Variants in ATP6V0E1 observed in about 807,000 individuals in gnomAD.
ATP6V0E1 encodes the protein V-type proton ATPase subunit e 1.
A neutral mutation model predicts 11.6 loss-of-function variants in ATP6V0E1; 4 were observed. The ratio of observed to expected loss-of-function variants is 0.35; its 90% CI spans 0.17 to 0.79. The LOEUF is 0.79. Among genes scored for constraint, ATP6V0E1 ranks in the 30% least tolerant of loss-of-function variants. ATP6V0E1 has a pLI of 0.54. For synonymous variants in ATP6V0E1, 36 were observed against 34.8 expected (o/e 1.04, Z -0.13); for missense variants, 105 against 100.0 (o/e 1.05, Z -0.21).
At chr5:173,009,364 A>G (rs1322841579) in intron 2 of ATP6V0E1, among the ~76,000 whole-genome samples, 1 of 151,730 alleles carries the variant, frequency 6.6e-6, no homozygotes, top group Admixed American at 6.6e-5. Context: ...GGAGTTCAAG[A>G]CCACCCTGGG....
chr5:172,985,300 T>A (rs1009270063), intron 1 of ATP6V0E1, among the ~76,000 whole-genome samples: 1 of 152,104 alleles, frequency 6.6e-6, no homozygotes, highest in Non-Finnish European at 1.5e-5. Context: ...TAATATTTTG[T>A]GACCTGAACC....
Position 173,014,660 on chromosome 5 carries a change from G to A in ATP6V0E1, c.153-5578G>A, listed in dbSNP as rs185055680. On this transcript the variant is annotated intron_variant, in intron 2 of 3. Transcript: ENST00000519374. The stretch of plus-strand genomic sequence containing the variant: ...CACATGTTCTCACTTATATGTGGGA[G>A]CTAAAAAATTTGATGTCAAAGACAT... Among the ~76,000 whole-genome samples the A allele has an allele frequency of 2.0e-4, 30 of 152,324 alleles. No homozygotes were observed. In the East Asian group the frequency reaches 5.6e-3, roughly 28 times the overall value.
rs184420629 is a variant in ATP6V0E1, at chr5:173,016,017, C to G, written c.153-4221C>G. ...GAGATTACAGGCGTGAGCCACCATG[C>G]CCAGATTGTAGTATCTTTTATAGTA... is the stretch of plus-strand genomic sequence containing the variant. On this transcript the variant is annotated intron_variant, in intron 2 of 3. Transcript: ENST00000519374. 2.6e-5 allele frequency among the ~76,000 whole-genome samples: 4 copies of G among 152,304 alleles called. No homozygotes were observed. In the East Asian group the frequency reaches 7.7e-4, roughly 29 times the overall value.
At chr5:173,002,733 A>T (rs1233994059) in intron 2 of ATP6V0E1, among the ~76,000 whole-genome samples, 1 of 152,228 alleles carries the variant, frequency 6.6e-6, no homozygotes, top group African/African-American at 2.4e-5. Flanking sequence ...CATGCCTGTA[A>T]TCTCAGCACT....
At chr5:173,030,316 A>G (rs1756629539) in intron 3 of ATP6V0E1, among the ~76,000 whole-genome samples, 1 of 152,186 alleles carries the variant, frequency 6.6e-6, no homozygotes. Context: ...TTTATCTAAA[A>G]TTTTTAAACA....
chr5:173,022,302 C>G (rs796966), intron 3 of ATP6V0E1, among the ~76,000 whole-genome samples: 29,984 of 152,000 alleles, frequency 0.2, 3,261 homozygotes, highest in African/African-American at 0.26. Context: ...CTGGCTCTGG[C>G]TCTCCTATGT....
intron 3 of ATP6V0E1, among the ~76,000 whole-genome samples, chr5:173,033,881 T>A (rs918965922): frequency 6.6e-6 from 1 of 150,930 alleles, no homozygotes; most frequent in Non-Finnish European, 1.5e-5. Flanking sequence ...AAAAAAAAGA[T>A]GGTGTTGAAT....
At chr5:173,032,627 GA>G (rs1756682314) in intron 3 of ATP6V0E1, among the ~76,000 whole-genome samples, 1 of 152,082 alleles carries the variant, frequency 6.6e-6, no homozygotes, top group Admixed American at 6.6e-5. Context: ...GATCTTGAGT[GA>G]AAACTATCCC....
chr5:173,033,188 A>G (rs1756691640), intron 3 of ATP6V0E1, among the ~76,000 whole-genome samples: 1 of 152,176 alleles, frequency 6.6e-6, no homozygotes, highest in Admixed American at 6.5e-5. Flanking sequence ...TGTAACCTCA[A>G]ACTCCTGAGC....
intron 2 of ATP6V0E1, 75 bp downstream of exon 2, chr5:172,994,897 C>A: frequency 2.6e-6 from 3 of 1,149,382 alleles, no homozygotes; most frequent in South Asian, 1.4e-5. Flanking sequence ...TTTATTGGAG[C>A]TCATCCCTCA....
chr5:172,987,717 A>T (rs1001731399), intron 1 of ATP6V0E1, among the ~76,000 whole-genome samples: 1 of 146,178 alleles, frequency 6.8e-6, no homozygotes, highest in African/African-American at 2.5e-5. Context: ...CAGCTATATA[A>T]TTTTTTTTTT....
chr5:172,993,062 T>G (rs1056318939), intron 1 of ATP6V0E1, among the ~76,000 whole-genome samples: 4 of 152,010 alleles, frequency 2.6e-5, no homozygotes, highest in Non-Finnish European at 5.9e-5. Flanking sequence ...CCTCCTAAAG[T>G]GCTGGGATCA....
chr5:172,999,846 T>A (rs141921504), intron 2 of ATP6V0E1, among the ~76,000 whole-genome samples: 30 of 152,340 alleles, frequency 2.0e-4, no homozygotes, highest in African/African-American at 6.5e-4. Context: ...CTGGATAGTA[T>A]TGACTTTATG....
intron 3 of ATP6V0E1, among the ~76,000 whole-genome samples, chr5:173,021,811 G>A (rs1304452627): frequency 3.9e-5 from 6 of 152,224 alleles, no homozygotes; most frequent in African/African-American, 1.4e-4. Context: ...CACTTTGGGA[G>A]GCTGAGGCAG....
intron 2 of ATP6V0E1, among the ~76,000 whole-genome samples, chr5:172,997,443 C>CT (rs370971881): frequency 5.9e-5 from 9 of 151,654 alleles, no homozygotes; most frequent in Admixed American, 2.0e-4. Context: ...GAAATTCAGT[C>CT]TTTTTTTTTC....
At chr5:173,029,033 G>A (rs2113615680) in intron 3 of ATP6V0E1, among the ~76,000 whole-genome samples, 1 of 152,314 alleles carries the variant, frequency 6.6e-6, no homozygotes, top group East Asian at 1.9e-4. Flanking sequence ...GCATAGAAAT[G>A]CTGTTTTATT....
rs770492867 is a variant in ATP6V0E1, at chr5:172,996,448, GC to G, written c.152+1627del. Among the ~76,000 whole-genome samples the G allele has an allele frequency of 3.3e-5, 5 of 152,016 alleles. No homozygotes were observed. In the South Asian group the frequency reaches 1.0e-3, roughly 32 times the overall value. On this transcript the variant is annotated intron_variant, in intron 2 of 3. Coordinates refer to ENST00000519374, the MANE Select transcript of ATP6V0E1 (RefSeq NM_003945.4). ...TTGGTGGCGCACACCTGTAGTCCCA[GC>G]TGCTCGGGAGGCTGAGGCAGGAGAA...
chr5:172,999,145 A>G (rs1017932044), intron 2 of ATP6V0E1, among the ~76,000 whole-genome samples: 6 of 152,148 alleles, frequency 3.9e-5, no homozygotes, highest in Admixed American at 3.3e-4. Context: ...GGGAAAAAAA[A>G]GGGGGTCGGG....
chr5:173,019,502 C>T (rs1048884175), intron 2 of ATP6V0E1, among the ~76,000 whole-genome samples: 4 of 151,022 alleles, frequency 2.6e-5, no homozygotes, highest in African/African-American at 4.9e-5. Context: ...TGCAGCAAGC[C>T]GAGATTGCAC....
Sources: gnomAD v4.1 joint callset for allele counts (sites outside exome capture counted in the v4.1 genomes callset) on GRCh38, gnomAD v4.1.1 for gene constraint, MANE v1.5 for transcripts, NCBI Gene and HGNC (gene_info 2026-07-23, HGNC 2026-07-21) for gene names.